The following DGKG variants were observed in gnomAD, a reference collection of about 807,000 sequenced individuals.
The protein encoded by DGKG is DAG kinase gamma.
Under a neutral mutation model 105.3 loss-of-function variants are expected in DGKG, and 78 were observed. That is an observed-to-expected ratio of 0.74 (90% CI 0.62 to 0.89). DGKG has a LOEUF of 0.89. Ranked by LOEUF, DGKG falls within the 40% of genes least tolerant of loss-of-function variation. The probability of loss-of-function intolerance (pLI) is 0.00; values close to 1 mark genes in which losing one functional copy is unlikely to be tolerated. For missense variants in DGKG, 958 were observed against 1,020.1 expected, an observed-to-expected ratio of 0.94 and a Z score of 0.83; for synonymous variants, 346 against 367.1, an observed-to-expected ratio of 0.94 and a Z score of 0.66.
intron 2 of DGKG, 57 bp from the exon 3 acceptor site, chr3:186,307,034 C>A: frequency 2.6e-6 from 3 of 1,176,334 alleles, no homozygotes; most frequent in Non-Finnish European, 3.8e-6. Flanking sequence ...GAAGCTGGGC[C>A]AAGTAAATTC....
At chr3:186,270,559 A>G (rs926621246) in intron 11 of DGKG, among the ~76,000 whole-genome samples, 1 of 152,220 alleles carries the variant, frequency 6.6e-6, no homozygotes, top group African/African-American at 2.4e-5. Context: ...TGTGCCTTGC[A>G]CTTCTGAGGG....
At chr3:186,274,225 T>C (rs924819877) in intron 10 of DGKG, among the ~76,000 whole-genome samples, 3 of 152,198 alleles carry the variant, frequency 2.0e-5, no homozygotes, top group Non-Finnish European at 4.4e-5. Flanking sequence ...TTTCACTCCG[T>C]CATCCAAGCT....
intron 13 of DGKG, among the ~76,000 whole-genome samples, chr3:186,267,060 G>A (rs1209207181): frequency 6.6e-6 from 1 of 152,210 alleles, no homozygotes; most frequent in Non-Finnish European, 1.5e-5. Flanking sequence ...AACGTGCCAG[G>A]TGGGGGTAAA....
At chr3:186,337,195 C>A (rs1253690973) in intron 1 of DGKG, among the ~76,000 whole-genome samples, 2 of 152,110 alleles carry the variant, frequency 1.3e-5, no homozygotes. Context: ...TATAGACCAA[C>A]CTCATCTAAA....
chr3:186,186,117 A>AAAT (rs397777057), intron 22 of DGKG, among the ~76,000 whole-genome samples: 2 of 150,684 alleles, frequency 1.3e-5, no homozygotes, highest in Non-Finnish European at 3.0e-5. Context: ...AAAAAAAAAA[A>AAAT]GAGGTCAACA....
intron 1 of DGKG, among the ~76,000 whole-genome samples, chr3:186,355,252 CCAA>C (rs201798074): frequency 0.02 from 738 of 37,790 alleles, 7 homozygotes; most frequent in African/African-American, 0.11. Context: ...ACCGCTACCA[CCAA>C]CACCAACACC....
At position 186,345,915 on chromosome 3, in the gene DGKG, C is replaced by T. The variant is rs919462843; in HGVS notation, c.-249+16031G>A. Among the ~76,000 whole-genome samples, 10 of 152,146 alleles carry T rather than the reference C, an allele frequency of 6.6e-5. No homozygotes were observed. In the South Asian group the frequency reaches 2.1e-3, roughly 32 times the overall value. ...TCCTGAGTAGCTGGGATTACAGGTG[C>T]CCGCCACCACGCCTGGCTAATTTTT... On this transcript the variant is annotated intron_variant, in intron 1 of 24. Coordinates refer to ENST00000265022, the MANE Select transcript of DGKG (RefSeq NM_001346.3).
chr3:186,227,505 A>G, intron 20 of DGKG, among the ~76,000 whole-genome samples: 1 of 152,188 alleles, frequency 6.6e-6, no homozygotes, highest in Admixed American at 6.5e-5. Context: ...CATGAGGGTG[A>G]CCACGACCTG....
Position 186,315,771 on chromosome 3 carries a change from T to C in DGKG, c.67+4622A>G, listed in dbSNP as rs1724789555. ...TTGTGTGCTAGCCAGTTTCCAAAGA[T>C]GGCTGCCATAAATTCTTTCCCTCCC... On this transcript the variant is annotated intron_variant, in intron 2 of 24. Transcript: ENST00000265022. Among the ~76,000 whole-genome samples, 8 of 152,318 alleles carry C rather than the reference T, an allele frequency of 5.3e-5. No individual in the cohort carries two copies. The South Asian group carries it at 1.4e-3, about 28-fold the overall frequency.
chr3:186,173,137 C>T (rs1221428012), intron 22 of DGKG, among the ~76,000 whole-genome samples: 1 of 152,160 alleles, frequency 6.6e-6, no homozygotes, highest in Non-Finnish European at 1.5e-5. Context: ...TAGGGCCCAC[C>T]CAAATAACCT....
At chr3:186,178,048 C>T (rs751728401) in intron 22 of DGKG, among the ~76,000 whole-genome samples, 5 of 152,080 alleles carry the variant, frequency 3.3e-5, no homozygotes, top group Non-Finnish European at 7.4e-5. Flanking sequence ...GATGATCTCT[C>T]CACATGAGGA....
At chr3:186,235,452 T>C (rs1318851982) in intron 20 of DGKG, among the ~76,000 whole-genome samples, 5 of 152,230 alleles carry the variant, frequency 3.3e-5, no homozygotes, top group Non-Finnish European at 5.9e-5. Context: ...GAATGAAGAC[T>C]TTGATGGCAA....
intron 22 of DGKG, among the ~76,000 whole-genome samples, chr3:186,179,729 T>A (rs1717267384): frequency 6.6e-6 from 1 of 152,026 alleles, no homozygotes; most frequent in Admixed American, 6.6e-5. Flanking sequence ...CCATGAGAGG[T>A]CTGCGGAAAC....
At position 186,244,137 on chromosome 3, in the gene DGKG, G is replaced by A. The variant is rs570288555; in HGVS notation, c.1762-1569C>T. On this transcript the variant is annotated intron_variant, in intron 19 of 24. Transcript: ENST00000265022. ...GTCTCGAACCTCAGGTGATCTGCCC[G>A]CCTCGGCCTCCCAAAGTACTGGGAC... Among the ~76,000 whole-genome samples the A allele has an allele frequency of 5.3e-5, 8 of 151,754 alleles. 1 individual carries two copies. In the South Asian group the frequency reaches 6.3e-4, roughly 12 times the overall value.
Position 186,314,122 on chromosome 3 carries a change from T to C in DGKG, c.67+6271A>G, listed in dbSNP as rs182411580. Among the ~76,000 whole-genome samples, 325 of 151,768 alleles carry C rather than the reference T, an allele frequency of 2.1e-3. 2 individuals carry two copies. Among genetic ancestry groups the C allele is most frequent in the Non-Finnish European group, 3.7e-3 (250 of 67,958 alleles). ...CAATTTACTGATTGATTCTCTTTAA[T>C]TACATCTTAAAATTTTGCTTTAATG... On this transcript the variant is annotated intron_variant, in intron 2 of 24. Transcript: ENST00000265022.
intron 6 of DGKG, among the ~76,000 whole-genome samples, chr3:186,286,632 A>G (rs979843054): frequency 1.3e-5 from 2 of 152,218 alleles, no homozygotes; most frequent in Admixed American, 6.5e-5. Flanking sequence ...TTTTAAAAAG[A>G]AAAGTTTAAT....
At chr3:186,167,783 ACT>A (rs1298870196) in intron 22 of DGKG, among the ~76,000 whole-genome samples, 1 of 152,014 alleles carries the variant, frequency 6.6e-6, no homozygotes, top group African/African-American at 2.4e-5. Context: ...TCACTCACTC[ACT>A]CACTCACTCA....
At chr3:186,302,588 A>C (rs1372191161) in intron 3 of DGKG, among the ~76,000 whole-genome samples, 3 of 141,692 alleles carry the variant, frequency 2.1e-5, no homozygotes, top group Non-Finnish European at 3.0e-5. Flanking sequence ...ACCCACATAC[A>C]TATATTTATG....
At chr3:186,288,478 C>A (rs1723169485) in intron 6 of DGKG, among the ~76,000 whole-genome samples, 1 of 152,230 alleles carries the variant, frequency 6.6e-6, no homozygotes, top group Admixed American at 6.5e-5. Flanking sequence ...GTTCTCAATA[C>A]CTGGGTTTCA....
Sources: allele counts gnomAD v4.1 joint callset (sites outside exome capture counted in the v4.1 genomes callset), GRCh38; gene constraint gnomAD v4.1.1; transcripts MANE v1.5; gene names NCBI Gene and HGNC (gene_info 2026-07-23, HGNC 2026-07-21).